Variants in RABGAP1L observed in about 807,000 individuals in gnomAD.
RABGAP1L encodes the protein rab GTPase-activating protein 1-like.
Under a neutral mutation model 137.7 loss-of-function variants are expected in RABGAP1L, and 63 were observed. The ratio of observed to expected loss-of-function variants is 0.46; its 90% confidence interval spans 0.37 to 0.56. The LOEUF (loss-of-function observed/expected upper bound fraction) is 0.56. RABGAP1L is among the 20% of genes least tolerant of loss of function. The pLI is 0.00. For missense variants in RABGAP1L, 1,095 were observed against 1,244.0 expected, an observed-to-expected ratio of 0.88 and a Z score of 1.80; for synonymous variants, 431 against 433.7, an observed-to-expected ratio of 0.99 and a Z score of 0.08.
chr1:174,598,069 G>T (rs919657694), intron 13 of RABGAP1L, among the ~76,000 whole-genome samples: 1 of 152,012 alleles, frequency 6.6e-6, no homozygotes, highest in Non-Finnish European at 1.5e-5. Context: ...GGTGGCTCAC[G>T]GCTGTAATCC....
At chr1:174,241,136 A>T (rs577808972) in intron 4 of RABGAP1L, among the ~76,000 whole-genome samples, 2 of 152,286 alleles carry the variant, frequency 1.3e-5, no homozygotes, top group African/African-American at 4.8e-5. Flanking sequence ...CCTGGCTAAC[A>T]TGGCAAAACC....
chr1:174,398,326 T>C (rs912096073), intron 13 of RABGAP1L, among the ~76,000 whole-genome samples: 8 of 152,098 alleles, frequency 5.3e-5, no homozygotes, highest in Admixed American at 5.2e-4. Context: ...AGCCAAACCA[T>C]ATTGTATTGG....
At chr1:174,438,756 A>G (rs1175899466) in intron 13 of RABGAP1L, among the ~76,000 whole-genome samples, 5 of 130,556 alleles carry the variant, frequency 3.8e-5, no homozygotes, top group East Asian at 2.1e-4. Flanking sequence ...ATATATATAT[A>G]TATATATATA....
intron 13 of RABGAP1L, among the ~76,000 whole-genome samples, chr1:174,509,162 A>T (rs1476556961): frequency 6.6e-6 from 1 of 152,188 alleles, no homozygotes; most frequent in African/African-American, 2.4e-5. Flanking sequence ...TTTTGCTCAG[A>T]TACCCTTTCT....
At chr1:174,179,152 CT>C (rs1666140727) in intron 1 of RABGAP1L, among the ~76,000 whole-genome samples, 1 of 152,072 alleles carries the variant, frequency 6.6e-6, no homozygotes, top group South Asian at 2.1e-4. Context: ...TCAAGCGATC[CT>C]CTTGCCTTAG....
At chr1:174,232,866 T>C (rs1179382766) in intron 4 of RABGAP1L, among the ~76,000 whole-genome samples, 2 of 152,336 alleles carry the variant, frequency 1.3e-5, no homozygotes, top group East Asian at 1.9e-4. Flanking sequence ...TTAGGCACTG[T>C]TGACCTACTG....
At chr1:174,756,384 A>G (rs1684759928) in intron 18 of RABGAP1L, among the ~76,000 whole-genome samples, 1 of 152,102 alleles carries the variant, frequency 6.6e-6, no homozygotes, top group African/African-American at 2.4e-5. Flanking sequence ...TCCTAACCTC[A>G]GGTGATCCAC....
intron 15 of RABGAP1L, among the ~76,000 whole-genome samples, chr1:174,697,668 A>G (rs1485108203): frequency 6.6e-6 from 1 of 152,160 alleles, no homozygotes. Flanking sequence ...ATTTGAGTAG[A>G]GATCTGAGAG....
chr1:174,451,316 A>C (rs1655415065), intron 13 of RABGAP1L, among the ~76,000 whole-genome samples: 1 of 152,216 alleles, frequency 6.6e-6, no homozygotes, highest in African/African-American at 2.4e-5. Flanking sequence ...TTAAGGTATA[A>C]ATATAGTTAG....
chr1:174,207,245 G>A (rs1285473511), intron 1 of RABGAP1L, among the ~76,000 whole-genome samples: 1 of 152,134 alleles, frequency 6.6e-6, no homozygotes, highest in East Asian at 1.9e-4. Context: ...AAGCAGTTTT[G>A]CATTTGTACA....
At chr1:174,625,242 A>G (rs183909708) in intron 13 of RABGAP1L, among the ~76,000 whole-genome samples, 2 of 152,144 alleles carry the variant, frequency 1.3e-5, no homozygotes, top group Admixed American at 6.5e-5. Flanking sequence ...TTTCTTCCCT[A>G]CTACCAGATT....
intron 19 of RABGAP1L, among the ~76,000 whole-genome samples, chr1:174,879,145 G>C (rs1423499319): frequency 1.3e-5 from 2 of 149,664 alleles, no homozygotes; most frequent in Non-Finnish European, 3.0e-5. Context: ...CTGTTTCCCA[G>C]GCTGGAGTGC....
intron 13 of RABGAP1L, among the ~76,000 whole-genome samples, chr1:174,411,443 G>C (rs1246495101): frequency 1.3e-5 from 2 of 152,050 alleles, no homozygotes; most frequent in Admixed American, 6.6e-5. Flanking sequence ...TATCATGAAG[G>C]GATGTTGGAT....
intron 19 of RABGAP1L, among the ~76,000 whole-genome samples, chr1:174,923,878 CAA>C (rs1176474943): frequency 2.1e-4 from 18 of 87,234 alleles, no homozygotes; most frequent in Non-Finnish European, 2.4e-4. Flanking sequence ...GAGACTGTCT[CAA>C]AAAAAAAAAA....
At chr1:174,964,784 T>C in intron 20 of RABGAP1L, 4 of 1,358,540 alleles carry the variant, frequency 2.9e-6, no homozygotes, top group East Asian at 2.8e-5. Flanking sequence ...CTTTGTTCCA[T>C]TGAATGTTTG....
intron 13 of RABGAP1L, among the ~76,000 whole-genome samples, chr1:174,417,806 T>C (rs1320146233): frequency 6.6e-6 from 1 of 151,892 alleles, no homozygotes; most frequent in Non-Finnish European, 1.5e-5. Flanking sequence ...ACAGTTAACA[T>C]AGAAGTCTAA....
chr1:174,536,104 T>G (rs1042459380), intron 13 of RABGAP1L, among the ~76,000 whole-genome samples: 1 of 152,126 alleles, frequency 6.6e-6, no homozygotes, highest in Non-Finnish European at 1.5e-5. Flanking sequence ...CCATAACATT[T>G]TTTTCCTCTT....
chr1:174,849,597 C>T (rs1647875444), intron 19 of RABGAP1L: 1 of 358,366 alleles, frequency 2.8e-6, no homozygotes, highest in South Asian at 2.2e-5. Flanking sequence ...TGGTAATTAA[C>T]ACAATTTAAT....
chr1:174,855,163 G>T (rs1260358576), intron 19 of RABGAP1L, among the ~76,000 whole-genome samples: 1 of 152,050 alleles, frequency 6.6e-6, no homozygotes, highest in Non-Finnish European at 1.5e-5. Context: ...TTTATATTAA[G>T]TGTAGGAAGT....
Sources: gnomAD v4.1 joint callset for allele counts (sites outside exome capture counted in the v4.1 genomes callset) on GRCh38, gnomAD v4.1.1 for gene constraint, MANE v1.5 for transcripts, NCBI Gene and HGNC (gene_info 2026-07-23, HGNC 2026-07-21) for gene names.